Variants in B3GALT1 observed in about 807,000 individuals in gnomAD.
B3GALT1 encodes beta-1,3-galactosyltransferase 1.
Under a neutral mutation model 23.2 loss-of-function variants are expected in B3GALT1, and 10 were observed. The observed-to-expected ratio is 0.43, with a 90% confidence interval of 0.27 to 0.73. B3GALT1 has a LOEUF of 0.73. Among genes scored for constraint, B3GALT1 ranks in the 30% least tolerant of loss-of-function variants. The pLI, the probability that B3GALT1 is intolerant of heterozygous loss-of-function variation, is 0.21. For synonymous variants in B3GALT1, 156 were observed against 141.5 expected, an observed-to-expected ratio of 1.10 and a Z score of -0.73; for missense variants, 299 against 405.4, an observed-to-expected ratio of 0.74 and a Z score of 2.25.
chr2:167,775,977 A>G (rs867746237), intron 3 of B3GALT1, among the ~76,000 whole-genome samples: 1 of 151,656 alleles, frequency 6.6e-6, no homozygotes, highest in Middle Eastern at 3.4e-3. Context: ...TACCCCAAAC[A>G]ACAAACAACC....
At chr2:167,539,570 G>C (rs763494281) in intron 2 of B3GALT1, among the ~76,000 whole-genome samples, 9 of 152,096 alleles carry the variant, frequency 5.9e-5, no homozygotes, top group Non-Finnish European at 1.0e-4. Flanking sequence ...ACAGGATAGT[G>C]CTGACTATTC....
At chr2:167,515,130 T>G (rs1285825439) in intron 2 of B3GALT1, among the ~76,000 whole-genome samples, 1 of 152,140 alleles carries the variant, frequency 6.6e-6, no homozygotes, top group Non-Finnish European at 1.5e-5. Flanking sequence ...TTCAATGATA[T>G]AGCATTTAGT....
chr2:167,336,390 A>G (rs1184192971), intron 1 of B3GALT1, among the ~76,000 whole-genome samples: 2 of 152,302 alleles, frequency 1.3e-5, no homozygotes, highest in East Asian at 3.9e-4. Flanking sequence ...AATGGCCATC[A>G]ACAAAGATGG....
intron 1 of B3GALT1, among the ~76,000 whole-genome samples, chr2:167,481,122 C>T (rs564313263): frequency 1.3e-5 from 2 of 152,230 alleles, no homozygotes; most frequent in South Asian, 4.1e-4. Context: ...TTACAAGGGT[C>T]AAATTAGTTG....
intron 1 of B3GALT1, among the ~76,000 whole-genome samples, chr2:167,297,867 A>G (rs1043799485): frequency 1.3e-5 from 2 of 152,136 alleles, no homozygotes; most frequent in African/African-American, 2.4e-5. Context: ...TGATTACAGG[A>G]CAATAGTGCA....
At position 167,869,381 on chromosome 2, in the gene B3GALT1, C is replaced by G. The variant is rs768307081; in HGVS notation, c.342C>G (p.Thr114=). ...ENNFKGIKIA[T]LFLLGKNADP... ...ACTTTAAGGGGATCAAGATAGCCAC[C>G]CTGTTCCTCCTGGGCAAGAATGCTG... Residue 114 remains threonine (T), a synonymous_variant, in exon 5 of 5, where the codon ACC becomes ACG. Transcript: ENST00000392690. The surrounding 1 kb of genome is among the most constrained non-coding windows in gnomAD (Gnocchi z 6.4). The G allele has an allele frequency of 1.6e-5, 26 of 1,613,950 alleles. No individual in the cohort carries two copies. Among genetic ancestry groups the G allele is most frequent in the Middle Eastern group, 1.6e-4 (1 of 6,084 alleles).
chr2:167,633,806 G>T (rs934997473), intron 2 of B3GALT1, among the ~76,000 whole-genome samples: 10 of 152,012 alleles, frequency 6.6e-5, no homozygotes, highest in Non-Finnish European at 1.2e-4. Flanking sequence ...AATTAACAAG[G>T]ATATTCAGGA....
chr2:167,688,526 G>A (rs964926651), intron 3 of B3GALT1, among the ~76,000 whole-genome samples: 7 of 151,930 alleles, frequency 4.6e-5, no homozygotes, highest in Non-Finnish European at 5.9e-5. Context: ...TTTAAAACTC[G>A]ATAGGTGGCT....
chr2:167,375,798 G>T (rs974678464), intron 1 of B3GALT1, among the ~76,000 whole-genome samples: 1 of 151,960 alleles, frequency 6.6e-6, no homozygotes, highest in Non-Finnish European at 1.5e-5. Context: ...GAGATCAGTT[G>T]TCTTCTTCCT....
At chr2:167,867,968 A>G (rs1690266483) in intron 4 of B3GALT1, among the ~76,000 whole-genome samples, 1 of 152,226 alleles carries the variant, frequency 6.6e-6, no homozygotes, top group Non-Finnish European at 1.5e-5. Context: ...CCCTCTCATT[A>G]TACTCATATT....
intron 1 of B3GALT1, among the ~76,000 whole-genome samples, chr2:167,354,590 C>A (rs1197055747): frequency 6.6e-6 from 1 of 152,086 alleles, no homozygotes; most frequent in Non-Finnish European, 1.5e-5. Context: ...CGTGATCCAC[C>A]CGCCTCGGCC....
chr2:167,858,221 A>T (rs1349516171), intron 4 of B3GALT1, among the ~76,000 whole-genome samples: 1 of 151,214 alleles, frequency 6.6e-6, no homozygotes, highest in African/African-American at 2.4e-5. Flanking sequence ...TATCCTCCCC[A>T]TTTTTTTTAC....
chr2:167,449,086 T>G (rs183796257), intron 1 of B3GALT1, among the ~76,000 whole-genome samples: 7 of 152,310 alleles, frequency 4.6e-5, no homozygotes, highest in African/African-American at 7.2e-5. Flanking sequence ...GAGGGCTATT[T>G]TTTTGTTCCA....
chr2:167,751,154 G>A (rs1442038023), intron 3 of B3GALT1, among the ~76,000 whole-genome samples: 1 of 152,054 alleles, frequency 6.6e-6, no homozygotes, highest in Non-Finnish European at 1.5e-5. Flanking sequence ...GCTGACCCCT[G>A]GTGTAAGATA....
intron 2 of B3GALT1, among the ~76,000 whole-genome samples, chr2:167,635,425 C>T (rs147077396): frequency 0.036 from 5,435 of 152,040 alleles, 197 homozygotes; most frequent in African/African-American, 0.089. Context: ...TGTTTGCAGA[C>T]GACATGATTG....
intron 3 of B3GALT1, among the ~76,000 whole-genome samples, chr2:167,694,324 G>A (rs573270834): frequency 6.6e-6 from 1 of 152,030 alleles, no homozygotes. Context: ...GATAATTTAA[G>A]TTTCAATTAA....
intron 2 of B3GALT1, among the ~76,000 whole-genome samples, chr2:167,545,614 GCA>G (rs1306472472): frequency 4.6e-5 from 7 of 151,970 alleles, no homozygotes; most frequent in Admixed American, 2.0e-4. Flanking sequence ...TCCCTCAATG[GCA>G]CAGTCCTGTA....
At chr2:167,512,566 ATGTATATATATATGTATATATATATG>A (rs1464726608) in intron 2 of B3GALT1, among the ~76,000 whole-genome samples, 4,826 of 91,982 alleles carry the variant, frequency 0.052, 347 homozygotes, top group Non-Finnish European at 0.067. Context: ...GTATATATAT[ATGTATATATATATGTATATATATATG>A]TGTATATATA....
intron 3 of B3GALT1, among the ~76,000 whole-genome samples, chr2:167,665,399 A>C (rs972095152): frequency 3.4e-4 from 50 of 145,618 alleles, no homozygotes; most frequent in Non-Finnish European, 5.8e-4. Context: ...ATCAATGTTC[A>C]TCAAGGATAT....
Sources: gnomAD v4.1 joint callset for allele counts (sites outside exome capture counted in the v4.1 genomes callset) on GRCh38, gnomAD v4.1.1 for gene constraint, Gnocchi (gnomAD v3.1) non-coding constraint, MANE v1.5 for transcripts, NCBI Gene and HGNC (gene_info 2026-07-23, HGNC 2026-07-21) for gene names.